Variants in KCNIP4 observed in about 807,000 individuals in gnomAD.
KCNIP4 encodes the protein potassium voltage-gated channel interacting protein 4, also known as Kv channel-interacting protein 4.
Under a neutral mutation model 34.0 loss-of-function variants are expected in KCNIP4, and 12 were observed. That is an observed-to-expected ratio of 0.35 (90% CI 0.23 to 0.57). The LOEUF is 0.57. Ranked by LOEUF, KCNIP4 falls within the 20% of genes least tolerant of loss-of-function variation. The pLI, the probability that KCNIP4 is intolerant of heterozygous loss-of-function variation, is 0.83. For synonymous variants in KCNIP4, 124 were observed against 102.2 expected, an observed-to-expected ratio of 1.21 and a Z score of -1.29; for missense variants, 238 against 311.7, an observed-to-expected ratio of 0.76 and a Z score of 1.78.
intron 1 of KCNIP4, among the ~76,000 whole-genome samples, chr4:21,589,192 ATATATATATGTG>A (rs1741929710): frequency 6.4e-5 from 4 of 62,748 alleles, no homozygotes; most frequent in Admixed American, 2.0e-4. Context: ...ATATATATAT[ATATATATATGTG>A]TACATATATA....
At chr4:21,559,683 T>C (rs1739364123) in intron 1 of KCNIP4, among the ~76,000 whole-genome samples, 1 of 152,096 alleles carries the variant, frequency 6.6e-6, no homozygotes, top group Non-Finnish European at 1.5e-5. Flanking sequence ...ATGTCAACCA[T>C]ACAGACCTTC....
At chr4:21,714,684 G>T (rs952924269) in intron 1 of KCNIP4, among the ~76,000 whole-genome samples, 1 of 151,908 alleles carries the variant, frequency 6.6e-6, no homozygotes, top group Non-Finnish European at 1.5e-5. Context: ...CAACACATTT[G>T]CTCTAAGATA....
chr4:20,946,518 G>A (rs1354898101), intron 1 of KCNIP4, among the ~76,000 whole-genome samples: 1 of 152,122 alleles, frequency 6.6e-6, no homozygotes, highest in African/African-American at 2.4e-5. Context: ...TGAGTGCAGT[G>A]GAACGTCATT....
intron 1 of KCNIP4, chr4:20,916,423 A>G: frequency 1.3e-6 from 1 of 796,516 alleles, no homozygotes; most frequent in Non-Finnish European, 1.5e-6. Context: ...GCACTAATAG[A>G]AAATATATGT....
intron 6 of KCNIP4, among the ~76,000 whole-genome samples, chr4:20,733,163 C>G (rs1249949479): frequency 6.6e-6 from 1 of 152,032 alleles, no homozygotes; most frequent in Non-Finnish European, 1.5e-5. Context: ...TATTGAGAAT[C>G]AAATATACGG....
At chr4:21,520,835 T>C (rs541846393) in intron 1 of KCNIP4, among the ~76,000 whole-genome samples, 23 of 152,304 alleles carry the variant, frequency 1.5e-4, no homozygotes, top group Middle Eastern at 6.8e-3. Context: ...ACTACTTCAA[T>C]TGGGGTAAGC....
At chr4:21,120,940 A>G (rs1450765296) in intron 1 of KCNIP4, among the ~76,000 whole-genome samples, 1 of 152,216 alleles carries the variant, frequency 6.6e-6, no homozygotes, top group Admixed American at 6.5e-5. Context: ...TTCAACATGT[A>G]AATTCTGGGG....
At chr4:20,738,706 C>T (rs1750300061) in intron 5 of KCNIP4, among the ~76,000 whole-genome samples, 1 of 152,228 alleles carries the variant, frequency 6.6e-6, no homozygotes, top group Non-Finnish European at 1.5e-5. Flanking sequence ...TCTGCATTTC[C>T]AACTGAGGTA....
intron 1 of KCNIP4, among the ~76,000 whole-genome samples, chr4:21,701,376 A>G (rs1389308062): frequency 6.6e-6 from 1 of 152,204 alleles, no homozygotes; most frequent in Non-Finnish European, 1.5e-5. Flanking sequence ...AATAACGTGT[A>G]TTTCAAAATT....
At chr4:21,516,689 G>A (rs946781140) in intron 1 of KCNIP4, among the ~76,000 whole-genome samples, 5 of 152,036 alleles carry the variant, frequency 3.3e-5, no homozygotes, top group Admixed American at 6.5e-5. Flanking sequence ...AAGAGTTTTC[G>A]AACATGAAGT....
chr4:21,205,567 T>C (rs893671170), intron 1 of KCNIP4, among the ~76,000 whole-genome samples: 1 of 152,224 alleles, frequency 6.6e-6, no homozygotes, highest in Admixed American at 6.5e-5. Context: ...AGCTTGTATG[T>C]GTTGGGTTTA....
At chr4:21,448,100 A>C (rs1728188145) in intron 1 of KCNIP4, among the ~76,000 whole-genome samples, 1 of 152,156 alleles carries the variant, frequency 6.6e-6, no homozygotes, top group South Asian at 2.1e-4. Context: ...AAAATGAGGA[A>C]GTAGCTTTGG....
chr4:20,810,584 G>A (rs1715624842), intron 3 of KCNIP4, among the ~76,000 whole-genome samples: 1 of 152,046 alleles, frequency 6.6e-6, no homozygotes, highest in Admixed American at 6.6e-5. Context: ...CATTTACAAT[G>A]TAACAATCAG....
At chr4:20,948,986 T>C (rs529430600) in intron 1 of KCNIP4, among the ~76,000 whole-genome samples, 1 of 152,160 alleles carries the variant, frequency 6.6e-6, no homozygotes, top group Admixed American at 6.6e-5. Context: ...CTGCCACCCC[T>C]TTTGTATGGC....
intron 1 of KCNIP4, among the ~76,000 whole-genome samples, chr4:21,196,273 G>A (rs1265059335): frequency 5.3e-5 from 8 of 152,076 alleles, no homozygotes; most frequent in Non-Finnish European, 1.0e-4. Context: ...TCTGTTCATA[G>A]TGCTGATTTA....
intron 1 of KCNIP4, among the ~76,000 whole-genome samples, chr4:21,060,846 A>G (rs907912517): frequency 1.3e-5 from 2 of 152,142 alleles, no homozygotes; most frequent in Non-Finnish European, 2.9e-5. Flanking sequence ...AGCATGAGCT[A>G]TCTCCTTCTA....
intron 1 of KCNIP4, chr4:21,763,159 C>G: frequency 1.6e-6 from 2 of 1,216,234 alleles, no homozygotes; most frequent in Non-Finnish European, 2.2e-6. Flanking sequence ...TTCACACAAA[C>G]AAAATGTGAA....
Position 21,672,138 on chromosome 4 carries a change from G to A in KCNIP4, c.61+276433C>T, listed in dbSNP as rs765477984. 2.0e-4 allele frequency among the ~76,000 whole-genome samples: 30 copies of A among 152,234 alleles called. No homozygotes were observed. The South Asian group carries it at 2.1e-3, about 11-fold the overall frequency. On this transcript the variant is annotated intron_variant, in intron 1 of 8. Transcript: ENST00000382152. ...CACACACCGGGGCCTGTCGGGAGGT[G>A]GAGAGCTAGGCGAGGAATAGCATTA...
At chr4:20,865,016 A>G (rs1176929981) in intron 2 of KCNIP4, among the ~76,000 whole-genome samples, 1 of 152,162 alleles carries the variant, frequency 6.6e-6, no homozygotes, top group African/African-American at 2.4e-5. Context: ...AGCCACAGTT[A>G]TAATACCTAA....
Sources: gnomAD v4.1 joint callset for allele counts (sites outside exome capture counted in the v4.1 genomes callset) on GRCh38, gnomAD v4.1.1 for gene constraint, MANE v1.5 for transcripts, NCBI Gene and HGNC (gene_info 2026-07-23, HGNC 2026-07-21) for gene names.